CYTH2: variants seen among roughly 807,000 people sequenced by gnomAD.
CYTH2 encodes cytohesin 2, also known as cytohesin-2.
Under a neutral mutation model 55.4 loss-of-function variants are expected in CYTH2, and 24 were observed. That is an observed-to-expected ratio of 0.43 (90% CI 0.31 to 0.61). CYTH2 has a LOEUF of 0.61. Among genes scored for constraint, CYTH2 ranks in the 20% least tolerant of loss-of-function variants. The pLI is 0.08. For synonymous variants in CYTH2, 221 were observed against 209.6 expected (o/e 1.05, Z -0.47); for missense variants, 378 against 533.5 (o/e 0.71, Z 2.87).
Position 48,472,373 on chromosome 19 carries a change from G to A in CYTH2, c.283G>A (p.Glu95Lys). The A allele has an allele frequency of 1.2e-6, 2 of 1,614,044 alleles. No homozygotes were observed. Among genetic ancestry groups the A allele is most frequent in the Non-Finnish European group, 1.7e-6 (2 of 1,180,020 alleles). ...ENELLQNTPE[E>K]IARFLYKGEG... is the part of the protein sequence containing the mutation. ...TGAACTGCTGCAGAACACACCCGAG[G>A]AGATCGCCCGCTTCCTGTACAAGGG... is the stretch of plus-strand genomic sequence containing the variant. Residue 95 changes from glutamate to lysine, a missense_variant, in exon 4 of 12, where the codon GAG becomes AAG. Glu to Lys is a moderately conservative substitution (Grantham distance 56). Transcript: ENST00000452733.
chr19:48,471,956 C>T (rs1435336090), intron 3 of CYTH2, among the ~76,000 whole-genome samples: 4 of 152,032 alleles, frequency 2.6e-5, no homozygotes, highest in Admixed American at 1.3e-4. Context: ...CTGAGGAGGC[C>T]GAAGTGAGAG....
rs1047090573 is a variant in CYTH2, at chr19:48,479,918, C to T, written c.*708C>T. 6.7e-6 allele frequency: 1 copy of T among 148,446 alleles called. No individual in the cohort carries two copies. The highest frequency in any genetic ancestry group is 1.5e-5 in the Non-Finnish European group (1 of 66,434). 9.2% of individuals were successfully genotyped at this position (148,446 alleles called of 1,614,324 possible). A position where few individuals can be genotyped will look rare whatever the true frequency, so the allele number is the denominator to read the frequency against. On this transcript the variant is annotated 3_prime_UTR_variant, in exon 12 of 12. Transcript: ENST00000452733. ...AAGGGCTGGGCAGCCTTAGATCGGG[C>T]TAAGAGGGCAGGACTGTGGGCCAGT...
Position 48,470,674 on chromosome 19 carries a change from T to C in CYTH2, c.234+5T>C. The C allele has an allele frequency of 6.2e-7, 1 of 1,614,160 alleles. No individual in the cohort carries two copies. The highest frequency in any genetic ancestry group is 8.5e-7 in the Non-Finnish European group (1 of 1,180,022). ...TTCAACATGGACCCCAAGAAGGTGCTTGGGGCCACAGGACTGGGATCAGCT... is the reference window on the plus strand; with the variant it reads ...TTCAACATGGACCCCAAGAAGGTGCCTGGGGCCACAGGACTGGGATCAGCT... On this transcript the variant is annotated splice_donor_5th_base_variant and intron_variant, in intron 3 of 11. Coordinates refer to ENST00000452733, the MANE Select transcript of CYTH2 (RefSeq NM_004228.7).
chr19:48,472,946 A>G (rs1280375785), intron 4 of CYTH2: 2 of 322,110 alleles, frequency 6.2e-6, no homozygotes, highest in Non-Finnish European at 1.2e-5. Flanking sequence ...GTGCTTGGGA[A>G]GCATCTCTGG....
intron 5 of CYTH2, chr19:48,473,678 C>G: frequency 1.7e-6 from 1 of 599,174 alleles, no homozygotes; most frequent in Non-Finnish European, 3.0e-6. Flanking sequence ...AACCAACCCC[C>G]AGACCTGTCT....
In CYTH2 at chr19:48,470,519, G is replaced by A. The variant is rs745703600; in HGVS notation, c.167+19G>A. The A allele has an allele frequency of 6.8e-6, 11 of 1,613,498 alleles. No individual in the cohort carries two copies. The highest frequency in any genetic ancestry group is 3.3e-4 in the Middle Eastern group (2 of 6,080). Reference sequence around the variant, plus strand: ...AGGGCAGGTGAGGGCTGGGGCGGATGACCTAGGGGGCGTGGGGTTGGCTGA... The same window carrying A: ...AGGGCAGGTGAGGGCTGGGGCGGATAACCTAGGGGGCGTGGGGTTGGCTGA... On this transcript the variant is annotated intron_variant, in intron 2 of 11. Coordinates refer to ENST00000452733, the MANE Select transcript of CYTH2 (RefSeq NM_004228.7).
At position 48,481,077 on chromosome 19, in the gene CYTH2, T is replaced by G. The variant is rs541527943; in HGVS notation, c.*1867T>G. On this transcript the variant is annotated 3_prime_UTR_variant, in exon 12 of 12. Coordinates refer to ENST00000452733, the MANE Select transcript of CYTH2 (RefSeq NM_004228.7). ...GGGGCCTGACGTGTTTGGATTGAGGTTGCAGGAGGGGCCCCTGGCTGCTTC... is the reference window on the plus strand; with the variant it reads ...GGGGCCTGACGTGTTTGGATTGAGGGTGCAGGAGGGGCCCCTGGCTGCTTC... 1 of 152,760 alleles carries G rather than the reference T, an allele frequency of 6.5e-6. No individual in the cohort carries two copies. Among genetic ancestry groups the G allele is most frequent in the Non-Finnish European group, 1.5e-5 (1 of 68,340 alleles). The allele number at this position is 152,760 out of a possible 1,614,324, so 9.5% of individuals were successfully genotyped here. A position where few individuals can be genotyped will look rare whatever the true frequency, so the allele number is the denominator to read the frequency against.
At chr19:48,478,403 G>C (rs370170964) in intron 10 of CYTH2, 35 bp from the exon 11 acceptor site, 2 of 1,613,254 alleles carry the variant, frequency 1.2e-6, no homozygotes, top group Non-Finnish European at 1.7e-6. Flanking sequence ...GCCCAGGGCT[G>C]GTTCTTACCT....
intron 8 of CYTH2, chr19:48,476,039 G>A: frequency 1.9e-6 from 1 of 519,212 alleles, no homozygotes; most frequent in South Asian, 1.4e-5. Flanking sequence ...GTTGGACAGG[G>A]CAGCTTTGGC....
chr19:48,474,022 G>A lies in CYTH2; in HGVS notation c.547+5G>A, dbSNP rs759505371. On this transcript the variant is annotated splice_donor_5th_base_variant and intron_variant, in intron 6 of 11. Transcript: ENST00000452733. The surrounding 1 kb of genome is among the most constrained non-coding windows in gnomAD (Gnocchi z 4.9). ...CTGGGGTTTTCCAGTCCACAGGTGC[G>A]GGCCCCAAATCCTGGGTCCTGGGAA... 2.5e-6 allele frequency: 4 copies of A among 1,601,260 alleles called. No individual in the cohort carries two copies. Among genetic ancestry groups the A allele is most frequent in the Admixed American group, 3.5e-5 (2 of 57,486 alleles).
At chr19:48,475,765 A>G (rs1460226920) in intron 8 of CYTH2, 2 of 205,696 alleles carry the variant, frequency 9.7e-6, no homozygotes, top group Admixed American at 6.0e-5. Context: ...AAGGGCCATC[A>G]GTCATCGTTT....
chr19:48,477,393 C>T (rs1284490460), intron 8 of CYTH2: 1 of 153,180 alleles, frequency 6.5e-6, no homozygotes. Context: ...TAGGACAGAC[C>T]CTAGGGGGTA....
rs574502997 is a variant in CYTH2 at position 48,469,386 on chromosome 19, C to T, written c.-122C>T. The stretch of plus-strand genomic sequence containing the variant: ...GTCTTTTCAGCGCTGAGGACTGGCG[C>T]TGAGGAGGCGGCGGTGGCTCCCGGG... On this transcript the variant is annotated 5_prime_UTR_variant, in exon 1 of 12. Coordinates refer to ENST00000452733, the MANE Select transcript of CYTH2 (RefSeq NM_004228.7). The T allele has an allele frequency of 1.7e-6, 2 of 1,149,904 alleles. No individual in the cohort carries two copies. The highest frequency in any genetic ancestry group is 1.6e-5 in the African/African-American group (1 of 61,278). The allele number at this position is 1,149,904 out of a possible 1,614,324, so 71.2% of individuals were successfully genotyped here.
chr19:48,479,404 A>C lies in CYTH2; in HGVS notation c.*194A>C. The C allele has an allele frequency of 1.7e-6, 1 of 573,412 alleles. No individual in the cohort carries two copies. Among genetic ancestry groups the C allele is most frequent in the Non-Finnish European group, 3.0e-6 (1 of 328,440 alleles). The allele number at this position is 573,412 out of a possible 1,614,324, so 35.5% of individuals were successfully genotyped here. A position where few individuals can be genotyped will look rare whatever the true frequency, so the allele number is the denominator to read the frequency against. On this transcript the variant is annotated 3_prime_UTR_variant, in exon 12 of 12. Transcript: ENST00000452733. ...AACCACTTGGCCTGCTGACCCCCTCATTTCTTGGGGTTGACAGAGTCGAGG... is the reference window on the plus strand; with the variant it reads ...AACCACTTGGCCTGCTGACCCCCTCCTTTCTTGGGGTTGACAGAGTCGAGG...
At chr19:48,472,013 G>A (rs1177729447) in intron 3 of CYTH2, among the ~76,000 whole-genome samples, 2 of 152,166 alleles carry the variant, frequency 1.3e-5, no homozygotes, top group African/African-American at 2.4e-5. Context: ...CTGTGATCAC[G>A]CCACTGCACT....
chr19:48,470,324 G>A, intron 1 of CYTH2, 29 bp from the exon 2 acceptor site: 1 of 1,582,738 alleles, frequency 6.3e-7, no homozygotes, highest in East Asian at 2.2e-5. Flanking sequence ...CCCTAGCACT[G>A]ACTTTTAAAC....
chr19:48,479,479 G>T lies in CYTH2; in HGVS notation c.*269G>T. ...CCTGGACAGGGGCCTGGACCCGCCT[G>T]TCTCTGGGTGCTGCCTGGGCTGTCC... On this transcript the variant is annotated 3_prime_UTR_variant, in exon 12 of 12. Coordinates refer to ENST00000452733, the MANE Select transcript of CYTH2 (RefSeq NM_004228.7). The T allele has an allele frequency of 2.1e-6, 1 of 484,840 alleles. No individual in the cohort carries two copies. Among genetic ancestry groups the T allele is most frequent in the Non-Finnish European group, 3.8e-6 (1 of 266,636 alleles). 30.0% of individuals were successfully genotyped at this position (484,840 alleles called of 1,614,324 possible).
At position 48,480,892 on chromosome 19, in the gene CYTH2, CAG is replaced by C. The variant is rs1972034256; in HGVS notation, c.*1685_*1686del. The C allele has an allele frequency of 6.6e-6, 1 of 152,242 alleles. No homozygotes were observed. Among genetic ancestry groups the C allele is most frequent in the African/African-American group, 2.4e-5 (1 of 41,448 alleles). 9.4% of individuals were successfully genotyped at this position (152,242 alleles called of 1,614,324 possible). A position where few individuals can be genotyped will look rare whatever the true frequency, so the allele number is the denominator to read the frequency against. ...GCAGGGCGGCCGGCTCCGTGGCAGG[CAG>C]AGGCAGGAAGAGGCGCGGAGCCCGC... On this transcript the variant is annotated 3_prime_UTR_variant, in exon 12 of 12. Coordinates refer to ENST00000452733, the MANE Select transcript of CYTH2 (RefSeq NM_004228.7).
chr19:48,473,502 A>G, intron 5 of CYTH2, 124 bp downstream of exon 5: 1 of 950,864 alleles, frequency 1.1e-6, no homozygotes. Context: ...AAACTAGGGA[A>G]CTGAGTGTGT....
Sources: allele counts gnomAD v4.1 joint callset (sites outside exome capture counted in the v4.1 genomes callset), GRCh38; gene constraint gnomAD v4.1.1; non-coding constraint Gnocchi (gnomAD v3.1); transcripts MANE v1.5; gene names NCBI Gene and HGNC (gene_info 2026-07-23, HGNC 2026-07-21).